C3orf49: variants seen among roughly 807,000 people sequenced by gnomAD.
C3orf49 encodes putative uncharacterized protein C3orf49.
A neutral mutation model predicts 13.3 loss-of-function variants in C3orf49; 27 were observed. The ratio of observed to expected loss-of-function variants is 2.02; its 90% CI spans 1.49 to 2.79. The LOEUF (loss-of-function observed/expected upper bound fraction) is 2.79, where lower values mean the gene tolerates loss of function less well. C3orf49 is among the 30% of genes most tolerant of loss of function. The pLI is 0.00. For missense variants in C3orf49, 242 were observed against 134.2 expected (o/e 1.80, Z -3.97); for synonymous variants, 87 against 47.6 (o/e 1.83, Z -3.40).
chr3:63,802,038 A>T, the C3orf49 span, among the ~76,000 whole-genome samples: 1 of 152,248 alleles, frequency 6.6e-6, no homozygotes, highest in East Asian at 1.9e-4. Context: ...GATTACTTCC[A>T]TCCAGGGAAT....
At chr3:63,807,526 T>C in the C3orf49 span, among the ~76,000 whole-genome samples, 1 of 152,102 alleles carries the variant, frequency 6.6e-6, no homozygotes. Context: ...GATGCTTTCA[T>C]GATTCAGGAT....
chr3:63,790,524 A>G, the C3orf49 span, among the ~76,000 whole-genome samples: 1 of 151,888 alleles, frequency 6.6e-6, no homozygotes, highest in Non-Finnish European at 1.5e-5. Flanking sequence ...GTAACCTGGG[A>G]ACGAATATTT....
chr3:63,847,117 C>G (rs1458221986), intron 6 of C3orf49, among the ~76,000 whole-genome samples: 3 of 152,028 alleles, frequency 2.0e-5, no homozygotes, highest in Admixed American at 6.6e-5. Context: ...GTGCAAATAA[C>G]CAGGACATTG....
chr3:63,838,886 T>C (rs1330026522), intron 5 of C3orf49, among the ~76,000 whole-genome samples: 2 of 152,226 alleles, frequency 1.3e-5, no homozygotes, highest in African/African-American at 2.4e-5. Context: ...AAAAGTTTGC[T>C]ATGTTAAAAA....
the C3orf49 span, among the ~76,000 whole-genome samples, chr3:63,811,194 C>A: frequency 6.6e-6 from 1 of 152,094 alleles, no homozygotes; most frequent in East Asian, 1.9e-4. Context: ...TTATGCATTT[C>A]CTGTTAAAAT....
At chr3:63,818,727 G>T (rs1701352252), upstream of C3orf49, among the ~76,000 whole-genome samples, 1 of 152,166 alleles carries the variant, frequency 6.6e-6, no homozygotes, top group Admixed American at 6.5e-5. Flanking sequence ...AGTGTCTGCT[G>T]CCACCTTGTG....
the C3orf49 span, among the ~76,000 whole-genome samples, chr3:63,795,655 T>G: frequency 6.6e-6 from 1 of 152,134 alleles, no homozygotes; most frequent in Admixed American, 6.6e-5. Flanking sequence ...GTAAACACTG[T>G]GTACAAACTG....
chr3:63,845,564 GA>G (rs1385511834), intron 6 of C3orf49, among the ~76,000 whole-genome samples: 1 of 152,194 alleles, frequency 6.6e-6, no homozygotes, highest in Non-Finnish European at 1.5e-5. Context: ...CCATGAGGTG[GA>G]GGGGGACATG....
At chr3:63,813,329 C>G in the C3orf49 span, among the ~76,000 whole-genome samples, 6 of 152,274 alleles carry the variant, frequency 3.9e-5, no homozygotes, top group South Asian at 2.1e-4. Flanking sequence ...AAATTGCTCT[C>G]CAAAGAGCTT....
At chr3:63,787,685 A>T in the C3orf49 span, among the ~76,000 whole-genome samples, 1 of 152,286 alleles carries the variant, frequency 6.6e-6, no homozygotes, top group Middle Eastern at 3.4e-3. Context: ...AAGCAGTCCT[A>T]GGGATGAGAA....
At chr3:63,789,698 C>A in the C3orf49 span, among the ~76,000 whole-genome samples, 1 of 150,688 alleles carries the variant, frequency 6.6e-6, no homozygotes. Flanking sequence ...GTAATCCCAG[C>A]TACTAGGGAG....
chr3:63,791,116 G>C, the C3orf49 span, among the ~76,000 whole-genome samples: 2 of 152,166 alleles, frequency 1.3e-5, no homozygotes, highest in African/African-American at 4.8e-5. Flanking sequence ...CCTCTCTTCT[G>C]GGTGATGGAA....
chr3:63,825,461 CAA>C (rs1200097482), intron 2 of C3orf49, among the ~76,000 whole-genome samples: 1 of 152,108 alleles, frequency 6.6e-6, no homozygotes, highest in East Asian at 1.9e-4. Context: ...TTGAAAATAG[CAA>C]AGAGGACATG....
chr3:63,832,030 C>A, intron 5 of C3orf49, 186 bp downstream of exon 5: 1 of 510,446 alleles, frequency 2.0e-6, no homozygotes, highest in Non-Finnish European at 3.4e-6. Flanking sequence ...CCTGTCTCTA[C>A]TAAAAATACA....
the C3orf49 span, among the ~76,000 whole-genome samples, chr3:63,803,595 C>T: frequency 4.6e-5 from 7 of 152,184 alleles, no homozygotes; most frequent in Non-Finnish European, 1.0e-4. Flanking sequence ...TCACATTGGT[C>T]CCCTTGCTCT....
In C3orf49 at chr3:63,846,441, CTT is replaced by C. The variant is rs971123835; in HGVS notation, c.*30+1360_*30+1361del. ...TATTTTTTTTAGACGGAGTTTCACT[CTT>C]GTTGCCCAGGCTGGAGTGCAAGGGC... On this transcript the variant is annotated intron_variant, in intron 6 of 6. Transcript: ENST00000295896. Among the ~76,000 whole-genome samples, 245 of 152,192 alleles carry C rather than the reference CTT, an allele frequency of 1.6e-3. 1 individual carries two copies. Among genetic ancestry groups the C allele is most frequent in the African/African-American group, 5.8e-3 (241 of 41,518 alleles).
rs746845581 is a variant in C3orf49 at position 63,841,576 on chromosome 3, T to C, written c.850-3447T>C. ...ATGGCTCCAGTTTTAAAATATATTG[T>C]GATAATATCAGATAAACATTTTTAG... On this transcript the variant is annotated intron_variant, in intron 5 of 6. Coordinates refer to ENST00000295896, the MANE Select transcript of C3orf49 (RefSeq NM_001355236.2). Among the ~76,000 whole-genome samples the C allele has an allele frequency of 4.6e-5, 7 of 152,188 alleles. No homozygotes were observed. The South Asian group carries it at 1.4e-3, about 31-fold the overall frequency.
At chr3:63,823,208 C>G (rs1559598461) in intron 1 of C3orf49, 42 bp from the exon 2 acceptor site, 1 of 615,598 alleles carries the variant, frequency 1.6e-6, no homozygotes, top group Non-Finnish European at 2.9e-6. Context: ...TCACTTTTAA[C>G]TTTTCAGTTT....
intron 5 of C3orf49, chr3:63,838,499 T>A (rs201528327): frequency 6.3e-7 from 1 of 1,584,100 alleles, no homozygotes. Flanking sequence ...ACTGGCTATA[T>A]CTAATGAAAA....
Sources: allele counts gnomAD v4.1 joint callset (sites outside exome capture counted in the v4.1 genomes callset), GRCh38; gene constraint gnomAD v4.1.1; transcripts MANE v1.5; gene names NCBI Gene and HGNC (gene_info 2026-07-23, HGNC 2026-07-21).